Variants in TLE5 observed in about 807,000 individuals in gnomAD.
The protein encoded by TLE5 is TLE family member 5, transcriptional modulator, also known as TLE family member 5.
TLE5 carries 7 observed loss-of-function variants against 25.8 expected under a neutral mutation model. The observed-to-expected ratio is 0.27, with a 90% CI of 0.15 to 0.51. The LOEUF (loss-of-function observed/expected upper bound fraction) is 0.51. Among genes scored for constraint, TLE5 ranks in the 20% least tolerant of loss-of-function variants. The pLI is 0.97. For synonymous variants in TLE5, 132 were observed against 110.5 expected, an observed-to-expected ratio of 1.20 and a Z score of -1.22; for missense variants, 149 against 250.7, an observed-to-expected ratio of 0.59 and a Z score of 2.74.
chr19:3,059,807 C>A (rs1189443743), intron 2 of TLE5, among the ~76,000 whole-genome samples: 1 of 152,118 alleles, frequency 6.6e-6, no homozygotes, highest in Non-Finnish European at 1.5e-5. Flanking sequence ...GCTCACCAGG[C>A]GGTATCCAAC....
chr19:3,057,896 A>C (rs1391487110), intron 2 of TLE5, 154 bp from the exon 3 acceptor site: 1 of 674,692 alleles, frequency 1.5e-6, no homozygotes. Flanking sequence ...TTTTTTTTTT[A>C]AATTGAGACG....
At chr19:3,057,467 G>C in intron 3 of TLE5, 1 of 571,170 alleles carries the variant, frequency 1.8e-6, no homozygotes. Context: ...CAACCCGGCG[G>C]TTTGGCACCT....
intron 4 of TLE5, chr19:3,056,028 G>T (rs1599269259): frequency 3.8e-6 from 2 of 528,282 alleles, no homozygotes; most frequent in East Asian, 6.5e-5. Flanking sequence ...GTAAGCGCTT[G>T]TGCGAATGTA....
At position 3,056,572 on chromosome 19, in the gene TLE5, G is replaced by A. The variant is rs1286453830; in HGVS notation, c.190-216C>T. The A allele has an allele frequency of 9.1e-6, 6 of 658,828 alleles. No individual in the cohort carries two copies. The East Asian group carries it at 1.7e-4, about 19-fold the overall frequency. 40.8% of individuals were successfully genotyped at this position (658,828 alleles called of 1,614,324 possible). ...CAGCCCGCCCTGGAGAGGGGCAGGGGGCCGCTGGGGCTGCGGATGGAGACT... is the reference window on the plus strand; with the variant it reads ...CAGCCCGCCCTGGAGAGGGGCAGGGAGCCGCTGGGGCTGCGGATGGAGACT... On this transcript the variant is annotated intron_variant, in intron 3 of 6. Transcript: ENST00000327141.
intron 2 of TLE5, 156 bp downstream of exon 2, chr19:3,061,003 GT>G (rs2090261587): frequency 1.7e-6 from 1 of 578,348 alleles, no homozygotes; most frequent in African/African-American, 1.9e-5. Flanking sequence ...AAATGGGGCT[GT>G]TTAAAATAAA....
rs1433076620 is a variant in TLE5, at chr19:3,057,823, A to C, written c.126-81T>G. 4.5e-6 allele frequency: 6 copies of C among 1,337,518 alleles called. No homozygotes were observed. In the African/African-American group the frequency reaches 8.6e-5, roughly 19 times the overall value. 82.9% of individuals were successfully genotyped at this position (1,337,518 alleles called of 1,614,324 possible). On this transcript the variant is annotated intron_variant, in intron 2 of 6. Coordinates refer to ENST00000327141, the MANE Select transcript of TLE5 (RefSeq NM_001130.6). ...CCACCCTCCGTTATCCAGGGGAGGA[A>C]ACTGAGGCTCCAAGTCCCCTGTAAG...
upstream of TLE5, chr19:3,062,695 C>T (rs145188743): frequency 0.03 from 44,423 of 1,500,416 alleles, 782 homozygotes; most frequent in East Asian, 0.079. Context: ...GCCACCCTCT[C>T]CTACCCGGCA....
At position 3,054,207 on chromosome 19, in the gene TLE5, C is replaced by A. The variant is rs375061855; in HGVS notation, c.298-13G>T. ...CCTGCTGCTGGTGCTGGAAGGGGGT[C>A]GGGGGAGAGGAGAGGCAGTGATTCC... On this transcript the variant is annotated splice_polypyrimidine_tract_variant and intron_variant, in intron 5 of 6. Transcript: ENST00000327141. 2 of 1,601,424 alleles carry A rather than the reference C, an allele frequency of 1.2e-6. No homozygotes were observed. Among genetic ancestry groups the A allele is most frequent in the Non-Finnish European group, 1.7e-6 (2 of 1,177,090 alleles).
At position 3,055,702 on chromosome 19, in the gene TLE5, C is replaced by A; in HGVS notation, c.259G>T (p.Gly87Trp). Residue 87 changes from glycine to tryptophan, a missense_variant, in exon 5 of 7, where the codon GGG (glycine) becomes TGG (tryptophan). Physicochemically the swap from Gly to Trp is radical, Grantham distance 184. Coordinates refer to ENST00000327141, the MANE Select transcript of TLE5 (RefSeq NM_001130.6). ...KQAEIVKRLNGICAQVLPYLS... is the reference protein window; with the variant it reads ...KQAEIVKRLNWICAQVLPYLS... ...TAGGGCAGGACCTGGGCACAAATCC[C>A]GTTCAGCCTTTTGACGATCTCAGCC... is the stretch of plus-strand genomic sequence containing the variant. The A allele has an allele frequency of 6.2e-7, 1 of 1,609,238 alleles. No individual in the cohort carries two copies. Among genetic ancestry groups the A allele is most frequent in the Non-Finnish European group, 8.5e-7 (1 of 1,177,520 alleles).
chr19:3,055,799 G>T (rs559754974), intron 4 of TLE5, 73 bp from the exon 5 acceptor site: 2 of 1,473,316 alleles, frequency 1.4e-6, no homozygotes, highest in Non-Finnish European at 1.8e-6. Context: ...GGAGGCCTGC[G>T]CGGGGCCCGG....
intron 2 of TLE5, among the ~76,000 whole-genome samples, chr19:3,058,530 C>G (rs1852329865): frequency 6.6e-6 from 1 of 152,194 alleles, no homozygotes; most frequent in African/African-American, 2.4e-5. Context: ...GCCTGGACTT[C>G]CCAGGCAGAC....
At position 3,062,366 on chromosome 19, in the gene TLE5, C is replaced by T. The variant is rs1229161266; in HGVS notation, c.-166G>A. ...GCCCGCTTCCTGCGCCCCCTCCCCG[C>T]GCGCCCGGCCCCGGCGCGCCCCGGG... On this transcript the variant is annotated 5_prime_UTR_variant, in exon 1 of 7. Transcript: ENST00000327141. 2.3e-4 allele frequency: 224 copies of T among 972,210 alleles called. No individual in the cohort carries two copies. The highest frequency in any genetic ancestry group is 2.6e-4 in the Non-Finnish European group (212 of 822,126). 60.2% of individuals were successfully genotyped at this position (972,210 alleles called of 1,614,324 possible). A position where few individuals can be genotyped will look rare whatever the true frequency, so the allele number is the denominator to read the frequency against.
intron 6 of TLE5, 34 bp downstream of exon 6, chr19:3,054,086 T>TGGGGGGGGCCCCCC: frequency 1.3e-6 from 2 of 1,512,812 alleles, no homozygotes; most frequent in Non-Finnish European, 1.8e-6. Flanking sequence ...GGCCCACCTG[T>TGGGGGGGGCCCCCC]CCCCCGCCCA....
At chr19:3,056,916 GTC>G (rs1250821273) in intron 3 of TLE5, 1 of 202,168 alleles carries the variant, frequency 4.9e-6, no homozygotes, top group Admixed American at 5.4e-5. Context: ...TAGTTTCTCT[GTC>G]TCTGTCTGGT....
At chr19:3,060,548 T>C (rs2090257717) in intron 2 of TLE5, among the ~76,000 whole-genome samples, 1 of 151,942 alleles carries the variant, frequency 6.6e-6, no homozygotes, top group Admixed American at 6.6e-5. Flanking sequence ...GCCAGGCTGG[T>C]CTCGAACTCC....
chr19:3,061,053 G>A, intron 2 of TLE5, 107 bp downstream of exon 2: 1 of 806,804 alleles, frequency 1.2e-6, no homozygotes, highest in Admixed American at 1.9e-5. Context: ...TCAGAGTCTA[G>A]CATATATTAT....
chr19:3,053,890 G>C lies in TLE5; in HGVS notation c.523C>G (p.Leu175Val). ...SLSALGSQAHLSKEDKNGHDG... is the reference protein window; with the variant it reads ...SLSALGSQAHVSKEDKNGHDG... The stretch of plus-strand genomic sequence containing the variant: ...TGCCCGTTCTTGTCTTCCTTGGAGA[G>C]GTGGGCCTGGGAACCCAGCGCGGAC... Residue 175 changes from leucine (L) to valine (V), a missense_variant, in exon 7 of 7, where the codon CTC becomes GTC. Coordinates refer to ENST00000327141, the MANE Select transcript of TLE5 (RefSeq NM_001130.6). 6.2e-7 allele frequency: 1 copy of C among 1,613,288 alleles called. No individual in the cohort carries two copies. The highest frequency in any genetic ancestry group is 1.7e-4 in the Middle Eastern group (1 of 6,060).
chr19:3,054,489 C>G, intron 5 of TLE5: 1 of 531,766 alleles, frequency 1.9e-6, no homozygotes, highest in Non-Finnish European at 3.4e-6. Flanking sequence ...CGGGAGAAAC[C>G]CTGGATCCTG....
upstream of TLE5, chr19:3,062,568 G>C (rs1274542868): frequency 3.6e-6 from 3 of 843,028 alleles, no homozygotes; most frequent in African/African-American, 5.6e-5. Flanking sequence ...GCCGCCGAGG[G>C]GGGGGACGCG....
Sources: allele counts gnomAD v4.1 joint callset (sites outside exome capture counted in the v4.1 genomes callset), GRCh38; gene constraint gnomAD v4.1.1; transcripts MANE v1.5; gene names NCBI Gene and HGNC (gene_info 2026-07-23, HGNC 2026-07-21).